SMOC1: variants seen among roughly 807,000 people sequenced by gnomAD.
The protein encoded by SMOC1 is SPARC related modular calcium binding 1.
Under a neutral mutation model 56.3 loss-of-function variants are expected in SMOC1, and 22 were observed. The observed-to-expected ratio is 0.39, with a 90% CI of 0.28 to 0.56. The LOEUF is 0.56. SMOC1 is among the 20% of genes least tolerant of loss of function. The pLI is 0.61. For synonymous variants in SMOC1, 193 were observed against 215.0 expected, an observed-to-expected ratio of 0.90 and a Z score of 0.89; for missense variants, 509 against 565.4, an observed-to-expected ratio of 0.90 and a Z score of 1.01.
intron 1 of SMOC1, among the ~76,000 whole-genome samples, chr14:69,916,736 C>T (rs1035741995): frequency 1.1e-4 from 16 of 152,246 alleles, no homozygotes; most frequent in African/African-American, 3.1e-4. Flanking sequence ...GAGACTCTTT[C>T]CTGGCCAGCC....
intron 10 of SMOC1, among the ~76,000 whole-genome samples, chr14:70,022,324 G>A (rs942347000): frequency 4.6e-5 from 7 of 152,218 alleles, no homozygotes; most frequent in African/African-American, 1.7e-4. Flanking sequence ...ACATGTAGAC[G>A]TAGATGTTGG....
intron 1 of SMOC1, among the ~76,000 whole-genome samples, chr14:69,932,373 G>A (rs1885188883): frequency 6.6e-6 from 1 of 152,164 alleles, no homozygotes; most frequent in Non-Finnish European, 1.5e-5. Flanking sequence ...GGGGCCTTCC[G>A]GGACTTTACT....
At chr14:69,932,006 AG>A (rs1007324289) in intron 1 of SMOC1, among the ~76,000 whole-genome samples, 17 of 152,256 alleles carry the variant, frequency 1.1e-4, no homozygotes, top group African/African-American at 4.1e-4. Flanking sequence ...CCAGGGCCAA[AG>A]CCATGGAGCA....
chr14:69,943,681 C>A (rs928197453), intron 1 of SMOC1, among the ~76,000 whole-genome samples: 1 of 152,178 alleles, frequency 6.6e-6, no homozygotes, highest in South Asian at 2.1e-4. Context: ...GGCTTTCCCC[C>A]CCCTTTCAAT....
At chr14:69,984,721 G>A (rs1321139326) in intron 5 of SMOC1, among the ~76,000 whole-genome samples, 1 of 151,762 alleles carries the variant, frequency 6.6e-6, no homozygotes, top group African/African-American at 2.4e-5. Context: ...CAGGCATGGT[G>A]GCACGTGCCT....
At chr14:69,963,847 T>C (rs1198070837) in intron 3 of SMOC1, among the ~76,000 whole-genome samples, 1 of 152,232 alleles carries the variant, frequency 6.6e-6, no homozygotes, top group Non-Finnish European at 1.5e-5. Context: ...GTCTAGGAAG[T>C]GACCGGTCTA....
intron 1 of SMOC1, among the ~76,000 whole-genome samples, chr14:69,945,205 C>T (rs1882736802): frequency 1.3e-5 from 2 of 152,154 alleles, no homozygotes; most frequent in Admixed American, 1.3e-4. Context: ...GAATAAGACA[C>T]AATCTTTTAT....
At chr14:70,023,079 G>T (rs1261416188) in intron 10 of SMOC1, 124 bp from the exon 11 acceptor site, 2 of 1,467,892 alleles carry the variant, frequency 1.4e-6, no homozygotes, top group African/African-American at 2.8e-5. Flanking sequence ...GCCGCTGTGG[G>T]TGGACTTTGG....
chr14:69,906,166 G>C (rs1884402063), intron 1 of SMOC1, among the ~76,000 whole-genome samples: 2 of 152,188 alleles, frequency 1.3e-5, no homozygotes, highest in Admixed American at 6.5e-5. Flanking sequence ...TTGGGATTTT[G>C]ACACTCCTCC....
intron 1 of SMOC1, among the ~76,000 whole-genome samples, chr14:69,914,683 C>T (rs1204963974): frequency 7.9e-5 from 12 of 152,170 alleles, no homozygotes; most frequent in Non-Finnish European, 1.2e-4. Context: ...CTGTCCCTCT[C>T]TAAGTCTTAC....
At chr14:69,905,483 T>G (rs556815190) in intron 1 of SMOC1, among the ~76,000 whole-genome samples, 1 of 152,294 alleles carries the variant, frequency 6.6e-6, no homozygotes, top group East Asian at 1.9e-4. Flanking sequence ...CTGTAGGCAG[T>G]GGGCATCATT....
intron 1 of SMOC1, among the ~76,000 whole-genome samples, chr14:69,904,941 G>A (rs148532313): frequency 3.9e-4 from 59 of 152,236 alleles, no homozygotes; most frequent in Admixed American, 2.3e-3. Flanking sequence ...TGCCCATCAT[G>A]TTTATTTCAT....
At position 69,879,729 on chromosome 14, in the gene SMOC1, G is replaced by T; in HGVS notation, c.51G>T (p.Val17=). ...TGCTCACGCCCCACTTGCTGCTGGTGTTGGTGCAGCTGTCCCCTGCTCGCG... is the reference window on the plus strand; with the variant it reads ...TGCTCACGCCCCACTTGCTGCTGGTTTTGGTGCAGCTGTCCCCTGCTCGCG... ...ARLLTPHLLL[V]LVQLSPARGH... Residue 17 remains valine (V), a synonymous_variant, in exon 1 of 12, where the codon GTG becomes GTT. Coordinates refer to ENST00000361956, the MANE Select transcript of SMOC1 (RefSeq NM_001034852.3). The T allele has an allele frequency of 6.3e-7, 1 of 1,591,790 alleles. No individual in the cohort carries two copies. The highest frequency in any genetic ancestry group is 1.7e-5 in the Admixed American group (1 of 59,052).
intron 10 of SMOC1, among the ~76,000 whole-genome samples, chr14:70,019,400 C>G (rs1885633570): frequency 6.6e-6 from 1 of 152,186 alleles, no homozygotes. Context: ...CCAGTGAGCC[C>G]TTTTAGTAGA....
chr14:69,977,361 G>A (rs746730057), intron 4 of SMOC1, among the ~76,000 whole-genome samples: 4 of 152,230 alleles, frequency 2.6e-5, no homozygotes, highest in African/African-American at 9.6e-5. Flanking sequence ...GGAGGAACAG[G>A]CTGTGCTTAG....
chr14:69,935,038 T>C (rs227388), intron 1 of SMOC1, among the ~76,000 whole-genome samples: 89,625 of 152,138 alleles, frequency 0.59, 27,096 homozygotes, highest in African/African-American at 0.71. Flanking sequence ...TATTCTACTA[T>C]GACTTCTTCC....
intron 3 of SMOC1, among the ~76,000 whole-genome samples, chr14:69,973,493 G>C (rs227446): frequency 0.073 from 11,078 of 152,184 alleles, 456 homozygotes; most frequent in African/African-American, 0.11. Flanking sequence ...TAGTGTTGAC[G>C]TGACCCCAAG....
chr14:69,881,954 C>T (rs1268587988), intron 1 of SMOC1, among the ~76,000 whole-genome samples: 2 of 152,200 alleles, frequency 1.3e-5, no homozygotes, highest in Admixed American at 1.3e-4. Context: ...AAGTTGTGTG[C>T]TCTCCCCACC....
At chr14:69,915,336 T>G (rs1884659414) in intron 1 of SMOC1, among the ~76,000 whole-genome samples, 1 of 152,208 alleles carries the variant, frequency 6.6e-6, no homozygotes, top group African/African-American at 2.4e-5. Flanking sequence ...CTCCTGTCAC[T>G]GTGGATGAAC....
Sources: gnomAD v4.1 joint callset for allele counts (sites outside exome capture counted in the v4.1 genomes callset) on GRCh38, gnomAD v4.1.1 for gene constraint, MANE v1.5 for transcripts, NCBI Gene and HGNC (gene_info 2026-07-23, HGNC 2026-07-21) for gene names.